Variants in TRMT61B observed in about 807,000 individuals in gnomAD.
TRMT61B encodes tRNA methyltransferase 61B.
In TRMT61B, 56 loss-of-function variants were observed where a neutral mutation model predicts 52.0. The ratio of observed to expected loss-of-function variants is 1.08; its 90% CI spans 0.87 to 1.35. The LOEUF (loss-of-function observed/expected upper bound fraction) is 1.35, where lower values mean the gene tolerates loss of function less well. Ranked by LOEUF, TRMT61B falls within the 40% of genes most tolerant of loss-of-function variation. TRMT61B has a pLI of 0.00. For synonymous variants in TRMT61B, 206 were observed against 220.0 expected (o/e 0.94, Z 0.56); for missense variants, 650 against 577.9 (o/e 1.12, Z -1.28).
At chr2:28,869,109 C>A (rs1364016258) in intron 1 of TRMT61B, among the ~76,000 whole-genome samples, 1 of 152,176 alleles carries the variant, frequency 6.6e-6, no homozygotes, top group Non-Finnish European at 1.5e-5. Context: ...AACTCTATTT[C>A]TTCCCTAAAA....
At chr2:28,866,179 T>A (rs200615973) in intron 1 of TRMT61B, among the ~76,000 whole-genome samples, 4 of 151,480 alleles carry the variant, frequency 2.6e-5, no homozygotes, top group Non-Finnish European at 5.9e-5. Flanking sequence ...TTAGTAGAGA[T>A]GGGGTTTCAC....
Position 28,861,288 on chromosome 2 carries a change from T to A in TRMT61B, c.823A>T (p.Ile275Leu). Residue 275 changes from isoleucine to leucine, a missense_variant, in exon 3 of 7, where the codon ATA (isoleucine) becomes TTA (leucine). Transcript: ENST00000306108. Reference protein sequence around the residue: ...SKAVGSQGRVISFEVRKDHHD... With the variant: ...SKAVGSQGRVLSFEVRKDHHD... ...TGGTCTTTTCGTACCTCAAAACTTA[T>A]GACTCGTCCTTGTGATCCAACTTAA... is the stretch of plus-strand genomic sequence containing the variant. 6.3e-7 allele frequency: 1 copy of A among 1,593,672 alleles called. No individual in the cohort carries two copies. The highest frequency in any genetic ancestry group is 1.2e-5 in the South Asian group (1 of 86,520).
intron 2 of TRMT61B, among the ~76,000 whole-genome samples, chr2:28,864,362 G>A (rs1351697824): frequency 1.3e-5 from 2 of 152,004 alleles, no homozygotes; most frequent in Non-Finnish European, 2.9e-5. Context: ...CAACTCAAAT[G>A]TCTATCAACA....
At chr2:28,866,006 G>C (rs970860360) in intron 1 of TRMT61B, among the ~76,000 whole-genome samples, 1 of 145,038 alleles carries the variant, frequency 6.9e-6, no homozygotes, top group African/African-American at 2.6e-5. Context: ...CTTATTTTTG[G>C]GGGGACAGAG....
At chr2:28,867,882 C>G (rs1050752669) in intron 1 of TRMT61B, among the ~76,000 whole-genome samples, 2 of 151,928 alleles carry the variant, frequency 1.3e-5, no homozygotes, top group African/African-American at 4.8e-5. Flanking sequence ...GCGACCCCAA[C>G]TCTACAAAAA....
intron 1 of TRMT61B, 135 bp from the exon 2 acceptor site, chr2:28,865,254 A>T: frequency 1.8e-6 from 1 of 562,240 alleles, no homozygotes; most frequent in Non-Finnish European, 3.2e-6. Context: ...CCTTCAGTTT[A>T]TATTTCACTT....
At position 28,861,138 on chromosome 2, in the gene TRMT61B, TTA is replaced by T. The variant is rs760287324; in HGVS notation, c.971_972del (p.Ile324LysfsTer6). 6.2e-7 allele frequency: 1 copy of T among 1,603,712 alleles called. No homozygotes were observed. Among genetic ancestry groups the T allele is most frequent in the Non-Finnish European group, 8.5e-7 (1 of 1,176,968 alleles). ...HKDISGATED[I>X]KSLTFDAVAL... ...CTTACTGCGTCAAATGTTAAAGATT[TTA>T]TGTCTTCGGTTGCTCCTGAAATGTC... is the stretch of plus-strand genomic sequence containing the variant. On this transcript the variant is annotated frameshift_variant, in exon 3 of 7. Transcript: ENST00000306108. LOFTEE classifies it high-confidence loss of function.
intron 2 of TRMT61B, among the ~76,000 whole-genome samples, chr2:28,862,652 T>C (rs1420840363): frequency 2.0e-5 from 3 of 151,716 alleles, no homozygotes; most frequent in Admixed American, 2.0e-4. Flanking sequence ...AATTTTAACT[T>C]GCATTTCTTT....
intron 3 of TRMT61B, 40 bp downstream of exon 3, chr2:28,861,078 A>C: frequency 5.3e-6 from 8 of 1,507,638 alleles, no homozygotes; most frequent in Non-Finnish European, 6.2e-6. Context: ...TCTTCTTTAT[A>C]GTCAAAGTAA....
Position 28,849,933 on chromosome 2 carries a change from G to A in TRMT61B, c.*266C>T, listed in dbSNP as rs901936540. On this transcript the variant is annotated 3_prime_UTR_variant, in exon 7 of 7. Coordinates refer to ENST00000306108, the MANE Select transcript of TRMT61B (RefSeq NM_017910.4). The stretch of plus-strand genomic sequence containing the variant: ...ATCTATGGAGTGGTTTACAGGAAGT[G>A]AAGAATGAGATGGCCCAACTAAACC... The A allele has an allele frequency of 1.3e-6, 2 of 1,588,402 alleles. No individual in the cohort carries two copies. The highest frequency in any genetic ancestry group is 2.7e-5 in the African/African-American group (2 of 73,580).
chr2:28,850,995 T>A, intron 5 of TRMT61B, 77 bp downstream of exon 5: 1 of 899,352 alleles, frequency 1.1e-6, no homozygotes, highest in Non-Finnish European at 1.6e-6. Context: ...GGAATATTTT[T>A]ATAATCTATT....
chr2:28,849,934 A>C lies in TRMT61B; in HGVS notation c.*265T>G. The C allele has an allele frequency of 6.3e-7, 1 of 1,588,942 alleles. No individual in the cohort carries two copies. Among genetic ancestry groups the C allele is most frequent in the Non-Finnish European group, 8.5e-7 (1 of 1,171,708 alleles). On this transcript the variant is annotated 3_prime_UTR_variant, in exon 7 of 7. Transcript: ENST00000306108. ...TCTATGGAGTGGTTTACAGGAAGTG[A>C]AGAATGAGATGGCCCAACTAAACCA...
intron 3 of TRMT61B, among the ~76,000 whole-genome samples, chr2:28,853,415 A>C (rs556131279): frequency 6.6e-6 from 1 of 152,182 alleles, no homozygotes; most frequent in East Asian, 1.9e-4. Context: ...GATTCAAGCG[A>C]TCTGCCCGCC....
Position 28,870,237 on chromosome 2 carries a change from A to G in TRMT61B, c.41T>C (p.Leu14Pro). The G allele has an allele frequency of 6.2e-7, 1 of 1,608,736 alleles. No individual in the cohort carries two copies. Among genetic ancestry groups the G allele is most frequent in the African/African-American group, 1.3e-5 (1 of 74,984 alleles). Residue 14 changes from leucine (L) to proline (P), a missense_variant, in exon 1 of 7, where the codon CTG becomes CCG. Leu to Pro is a moderately conservative substitution (Grantham distance 98). Coordinates refer to ENST00000306108, the MANE Select transcript of TRMT61B (RefSeq NM_017910.4). ...TGAATTGGTTCCGAGCCCCTGCCGC[A>G]GGCACAGCAAGACAGGACCGCGGCA... The part of the protein sequence containing the change: ...AWCRGPVLLC[L>P]RQGLGTNSFL...
chr2:28,866,960 T>C (rs561941566), intron 1 of TRMT61B, among the ~76,000 whole-genome samples: 1 of 151,412 alleles, frequency 6.6e-6, no homozygotes, highest in African/African-American at 2.4e-5. Flanking sequence ...CATGCCCAAC[T>C]AATTTTTTTT....
intron 1 of TRMT61B, among the ~76,000 whole-genome samples, chr2:28,866,343 A>G (rs187140082): frequency 1.3e-5 from 2 of 152,248 alleles, no homozygotes; most frequent in Admixed American, 6.5e-5. Context: ...GCGGTCCCCA[A>G]CCTTTTGGGC....
chr2:28,857,122 C>A (rs776637605), intron 3 of TRMT61B, among the ~76,000 whole-genome samples: 1 of 151,988 alleles, frequency 6.6e-6, no homozygotes, highest in Non-Finnish European at 1.5e-5. Flanking sequence ...TTAGTAGAGA[C>A]AGAGTTTCAC....
intron 4 of TRMT61B, 27 bp downstream of exon 4, chr2:28,852,381 A>C: frequency 7.2e-7 from 1 of 1,380,302 alleles, no homozygotes; most frequent in Non-Finnish European, 1.0e-6. Context: ...AAGTTACATT[A>C]CAAAGAAAAA....
At chr2:28,851,440 TA>T in intron 4 of TRMT61B, 142 bp from the exon 5 acceptor site, 1 of 539,026 alleles carries the variant, frequency 1.9e-6, no homozygotes, top group South Asian at 3.3e-5. Context: ...TTAGGAGGCA[TA>T]AAAAGTACCT....
Sources: gnomAD v4.1 joint callset for allele counts (sites outside exome capture counted in the v4.1 genomes callset) on GRCh38, gnomAD v4.1.1 for gene constraint, MANE v1.5 for transcripts, NCBI Gene and HGNC (gene_info 2026-07-23, HGNC 2026-07-21) for gene names.